The following DNAH3 variants were observed in gnomAD, a reference collection of about 807,000 sequenced individuals.
DNAH3 encodes the protein axonemal beta dynein heavy chain 3.
A neutral mutation model predicts 432.5 loss-of-function variants in DNAH3; 332 were observed. The ratio of observed to expected loss-of-function variants is 0.77; its 90% CI spans 0.70 to 0.84. The LOEUF (loss-of-function observed/expected upper bound fraction) is 0.84. Ranked by LOEUF, DNAH3 falls within the 40% of genes least tolerant of loss-of-function variation. The pLI, the probability that DNAH3 is intolerant of heterozygous loss-of-function variation, is 0.00. For missense variants in DNAH3, 4,861 were observed against 5,114.0 expected (o/e 0.95, Z 1.51); for synonymous variants, 1,956 against 1,900.2 (o/e 1.03, Z -0.76).
chr16:20,961,410 G>A (rs946508953), intron 53 of DNAH3, among the ~76,000 whole-genome samples: 3 of 151,932 alleles, frequency 2.0e-5, no homozygotes, highest in Admixed American at 2.0e-4. Context: ...TGAGTTAATG[G>A]TTGCAGCACA....
At chr16:21,099,233 C>CATGGATGGATGGATGGATGG (rs111518786) in intron 16 of DNAH3, among the ~76,000 whole-genome samples, 52 of 149,692 alleles carry the variant, frequency 3.5e-4, no homozygotes, top group African/African-American at 6.2e-4. Context: ...AGACAATAGA[C>CATGGATGGATGGATGGATGG]ATGGATGGAT....
chr16:21,077,138 C>T (rs2091003193), intron 20 of DNAH3, among the ~76,000 whole-genome samples: 2 of 151,532 alleles, frequency 1.3e-5, no homozygotes, highest in South Asian at 4.2e-4. Context: ...TTTGTTTATG[C>T]CTTATTTGCC....
chr16:21,017,184 CAATAA>C (rs2087903351), intron 41 of DNAH3, among the ~76,000 whole-genome samples: 3 of 152,074 alleles, frequency 2.0e-5, no homozygotes, highest in African/African-American at 7.2e-5. Flanking sequence ...TTTACTATGA[CAATAA>C]AATAAGCAAA....
At chr16:21,020,364 A>ATAT in intron 40 of DNAH3, among the ~76,000 whole-genome samples, 1 of 105,448 alleles carries the variant, frequency 9.5e-6, no homozygotes, top group African/African-American at 3.8e-5. Flanking sequence ...ATATATATAT[A>ATAT]TATAAAATCA....
chr16:21,134,403 C>T, exon 7 of DNAH3: 1 of 1,614,208 alleles, frequency 6.2e-7, no homozygotes, highest in Non-Finnish European at 8.5e-7. Context: ...GCGGGGGATG[C>T]TCTCAATAAA....
chr16:21,121,605 C>CTTTTTT (rs564709798), intron 10 of DNAH3, among the ~76,000 whole-genome samples: 3 of 120,156 alleles, frequency 2.5e-5, no homozygotes. Context: ...TTTCTTTTTT[C>CTTTTTT]TTTTTTTTTT....
chr16:20,989,999 C>T (rs960823565), intron 44 of DNAH3, among the ~76,000 whole-genome samples: 7 of 152,226 alleles, frequency 4.6e-5, no homozygotes, highest in African/African-American at 1.7e-4. Flanking sequence ...CCGCGCGCAG[C>T]CCCGGTTCCC....
intron 41 of DNAH3, among the ~76,000 whole-genome samples, chr16:21,013,643 TG>T (rs2087714404): frequency 7.3e-6 from 1 of 137,412 alleles, no homozygotes; most frequent in Non-Finnish European, 1.5e-5. Context: ...TGCTTGAACC[TG>T]GGAGGAGGAG....
chr16:20,971,170 A>C (rs2085326199), intron 51 of DNAH3, among the ~76,000 whole-genome samples: 1 of 151,562 alleles, frequency 6.6e-6, no homozygotes, highest in African/African-American at 2.4e-5. Flanking sequence ...GCTCAGCCGT[A>C]CTTCTGAGTT....
intron 1 of DNAH3, among the ~76,000 whole-genome samples, chr16:21,155,496 C>T (rs750337263): frequency 1.9e-4 from 29 of 151,772 alleles, no homozygotes; most frequent in African/African-American, 4.8e-5. Context: ...GCGGCACATG[C>T]CTGTAATCCC....
chr16:21,050,145 G>C (rs2089893821), intron 29 of DNAH3, 127 bp from the exon 30 acceptor site: 1 of 690,006 alleles, frequency 1.4e-6, no homozygotes, highest in East Asian at 2.7e-5. Flanking sequence ...TTTTGCCATT[G>C]AAAGTAATGC....
intron 57 of DNAH3, among the ~76,000 whole-genome samples, chr16:20,947,753 A>T (rs2084114570): frequency 6.6e-6 from 1 of 151,404 alleles, no homozygotes; most frequent in Non-Finnish European, 1.5e-5. Flanking sequence ...TCCACAGGTC[A>T]TCAATAAAAG....
chr16:21,093,459 A>G (rs1461662081), intron 18 of DNAH3, among the ~76,000 whole-genome samples: 1 of 152,240 alleles, frequency 6.6e-6, no homozygotes, highest in Non-Finnish European at 1.5e-5. Context: ...TAAAGTGTCC[A>G]TTGATTGAAA....
intron 41 of DNAH3, 50 bp downstream of exon 41, chr16:21,019,574 A>G (rs750284787): frequency 6.2e-7 from 1 of 1,602,112 alleles, no homozygotes; most frequent in Admixed American, 1.7e-5. Flanking sequence ...TGTTTAGAAC[A>G]CGTAATTCCA....
intron 1 of DNAH3, chr16:21,158,622 G>C (rs1009203881): frequency 6.6e-6 from 1 of 152,584 alleles, no homozygotes; most frequent in African/African-American, 2.4e-5. Context: ...CCCGGGCCAG[G>C]GGGCGGAGGC....
chr16:21,110,405 T>C (rs1425243759), intron 14 of DNAH3, among the ~76,000 whole-genome samples: 2 of 152,102 alleles, frequency 1.3e-5, no homozygotes, highest in Non-Finnish European at 1.5e-5. Flanking sequence ...GAAAAAGAAA[T>C]TTTTTGCCTC....
exon 29 of DNAH3, chr16:21,051,687 G>A: frequency 1.2e-6 from 2 of 1,613,286 alleles, no homozygotes; most frequent in Non-Finnish European, 8.5e-7. Flanking sequence ...AGCGGTCGGT[G>A]AGGGGTGTGA....
intron 42 of DNAH3, among the ~76,000 whole-genome samples, chr16:21,002,414 T>C (rs879771551): frequency 2.0e-5 from 3 of 151,360 alleles, no homozygotes; most frequent in Admixed American, 6.6e-5. Context: ...CTGAGATAAC[T>C]GAGAAGCACA....
chr16:21,104,580 A>T lies in DNAH3; in HGVS notation c.2285-28T>A, dbSNP rs1413808114. 6 of 1,592,748 alleles carry T rather than the reference A, an allele frequency of 3.8e-6. No homozygotes were observed. In the South Asian group the frequency reaches 6.6e-5, roughly 18 times the overall value. Reference sequence around the variant, plus strand: ...GGCCAGAGGAACAGAGTGCTGTTCAATTTGATGTCCTCATCTGCAAAACAC... The same window carrying T: ...GGCCAGAGGAACAGAGTGCTGTTCATTTTGATGTCCTCATCTGCAAAACAC... On this transcript the variant is annotated intron_variant, in intron 15 of 61. Coordinates refer to ENST00000261383, the Ensembl canonical transcript of DNAH3.
Sources: gnomAD v4.1 joint callset for allele counts (sites outside exome capture counted in the v4.1 genomes callset) on GRCh38, gnomAD v4.1.1 for gene constraint, MANE v1.5 for transcripts, NCBI Gene and HGNC (gene_info 2026-07-23, HGNC 2026-07-21) for gene names.